The following ADCY10 variants were observed in gnomAD, a reference collection of about 807,000 sequenced individuals.
ADCY10 encodes adenylate cyclase type 10.
Under a neutral mutation model 183.3 loss-of-function variants are expected in ADCY10, and 156 were observed. That is an observed-to-expected ratio of 0.85 (90% CI 0.75 to 0.97). The LOEUF is 0.97. Ranked by LOEUF, ADCY10 falls within the 50% of genes least tolerant of loss-of-function variation. ADCY10 has a pLI of 0.00. For synonymous variants in ADCY10, 645 were observed against 670.0 expected, an observed-to-expected ratio of 0.96 and a Z score of 0.58; for missense variants, 1,745 against 1,934.3, an observed-to-expected ratio of 0.90 and a Z score of 1.84.
Position 167,860,971 on chromosome 1 carries a change from C to T in ADCY10, c.1709G>A (p.Cys570Tyr). 6 of 1,614,112 alleles carry T rather than the reference C, an allele frequency of 3.7e-6. No homozygotes were observed. Among genetic ancestry groups the T allele is most frequent in the Non-Finnish European group, 5.1e-6 (6 of 1,179,984 alleles). ...FMANVLGLDT[C>Y]KHYKERQTNL... is the part of the protein sequence containing the mutation. Reference sequence around the variant, plus strand: ...GGTCTGTCGTTCTTTATAATGTTTACAAGTGTCTAGGCCTAGGACATTGGC... The same window carrying T: ...GGTCTGTCGTTCTTTATAATGTTTATAAGTGTCTAGGCCTAGGACATTGGC... Residue 570 changes from cysteine to tyrosine, a missense_variant, in exon 15 of 33, where the codon TGT (cysteine) becomes TAT (tyrosine). Physicochemically the swap from Cys to Tyr is radical, Grantham distance 194 (BLOSUM62 -2). Coordinates refer to ENST00000367851, the MANE Select transcript of ADCY10 (RefSeq NM_018417.6).
intron 13 of ADCY10, among the ~76,000 whole-genome samples, chr1:167,873,243 T>A (rs1335829169): frequency 6.6e-6 from 1 of 152,138 alleles, no homozygotes; most frequent in Non-Finnish European, 1.5e-5. Context: ...ATTCCTTCTC[T>A]CTAGCTTCAG....
rs1667448163 is a variant in ADCY10 at position 167,876,121 on chromosome 1, G to T, written c.1407-935C>A. Among the ~76,000 whole-genome samples, 7 of 152,180 alleles carry T rather than the reference G, an allele frequency of 4.6e-5. No individual in the cohort carries two copies. In the South Asian group the frequency reaches 1.5e-3, roughly 32 times the overall value. ...AAAATACAAAAATTAGCTGGGCGTG[G>T]TGGCTTGCGCCTGCCATCCCAGCTA... On this transcript the variant is annotated intron_variant, in intron 12 of 32. Transcript: ENST00000367851.
At position 167,837,121 on chromosome 1, in the gene ADCY10, C is replaced by A. The variant is rs183420256; in HGVS notation, c.3077+128G>T. ...CTACTGACTAAACTCACCATGCATA[C>A]CCCCCAAAGTTTCCCACTTGCATCT... is the stretch of plus-strand genomic sequence containing the variant. On this transcript the variant is annotated intron_variant, in intron 22 of 32. Transcript: ENST00000367851. 289 of 782,124 alleles carry A rather than the reference C, an allele frequency of 3.7e-4. 1 individual carries two copies. In the African/African-American group the frequency reaches 4.3e-3, roughly 12 times the overall value. 48.4% of individuals were successfully genotyped at this position (782,124 alleles called of 1,614,324 possible).
chr1:167,878,375 G>T, intron 12 of ADCY10, 71 bp downstream of exon 12: 1 of 1,530,650 alleles, frequency 6.5e-7, no homozygotes, highest in Non-Finnish European at 9.0e-7. Flanking sequence ...TTAAATGGGT[G>T]ACTGCTTTGC....
At chr1:167,888,377 A>T (rs1195076906) in intron 8 of ADCY10, among the ~76,000 whole-genome samples, 2 of 152,042 alleles carry the variant, frequency 1.3e-5, no homozygotes, top group Non-Finnish European at 2.9e-5. Context: ...TAGTATGAAC[A>T]TTCTTCCAAT....
chr1:167,905,236 T>C, intron 1 of ADCY10, 38 bp from the exon 2 acceptor site: 3 of 1,364,800 alleles, frequency 2.2e-6, no homozygotes, highest in Non-Finnish European at 3.1e-6. Flanking sequence ...TCTGATATAT[T>C]CATTTGCTCA....
chr1:167,860,025 C>A (rs547615385), intron 15 of ADCY10, 132 bp from the exon 16 acceptor site: 1 of 736,754 alleles, frequency 1.4e-6, no homozygotes, highest in South Asian at 1.5e-5. Flanking sequence ...TGGTCCCAAC[C>A]TTTTTGGCAC....
intron 18 of ADCY10, among the ~76,000 whole-genome samples, chr1:167,851,074 A>G (rs1366294300): frequency 1.3e-5 from 2 of 152,146 alleles, no homozygotes; most frequent in African/African-American, 2.4e-5. Flanking sequence ...GGTTCCTTCT[A>G]TGTGTACATA....
In ADCY10 at chr1:167,856,301, G is replaced by A; in HGVS notation, c.2035C>T (p.Pro679Ser). Residue 679 changes from proline (P) to serine (S), a missense_variant, in exon 17 of 33, where the codon CCC becomes TCC. Transcript: ENST00000367851. ...IMSLCPFVNI[P>S]CAAARAVIKN... ...ATTACGGCCCTGGCAGCTGCACAGG[G>A]AATGTTAACGAAGGGACACAGGGAC... The A allele has an allele frequency of 1.9e-6, 3 of 1,614,058 alleles. No individual in the cohort carries two copies. The highest frequency in any genetic ancestry group is 2.5e-6 in the Non-Finnish European group (3 of 1,179,984).
chr1:167,911,170 A>AACACTGCCCAGTGTTCAAACT (rs1174550605), intron 1 of ADCY10, among the ~76,000 whole-genome samples: 4 of 152,248 alleles, frequency 2.6e-5, no homozygotes, highest in Non-Finnish European at 4.4e-5. Context: ...GGGCAGTTTT[A>AACACTGCCCAGTGTTCAAACT]GGAAGTGTTG....
At chr1:167,908,516 T>C (rs1669957073) in intron 1 of ADCY10, among the ~76,000 whole-genome samples, 1 of 152,194 alleles carries the variant, frequency 6.6e-6, no homozygotes, top group African/African-American at 2.4e-5. Context: ...TAAAGTATTA[T>C]ATACTTCAAA....
intron 18 of ADCY10, among the ~76,000 whole-genome samples, chr1:167,852,736 A>G (rs1414510592): frequency 1.3e-5 from 2 of 152,040 alleles, no homozygotes; most frequent in African/African-American, 4.8e-5. Flanking sequence ...GAAAAAAAAA[A>G]TTGATCTTTC....
chr1:167,901,426 C>G (rs1669415020), intron 5 of ADCY10, among the ~76,000 whole-genome samples: 1 of 152,114 alleles, frequency 6.6e-6, no homozygotes. Flanking sequence ...ACTACCATAC[C>G]AACTAATTTA....
At chr1:167,843,190 A>T (rs2101954110) in intron 21 of ADCY10, among the ~76,000 whole-genome samples, 1 of 152,324 alleles carries the variant, frequency 6.6e-6, no homozygotes, top group South Asian at 2.1e-4. Flanking sequence ...ATCTGCAAAT[A>T]ACTGAAATTG....
chr1:167,820,476 TA>T (rs998711274), intron 30 of ADCY10: 4 of 401,392 alleles, frequency 1.0e-5, no homozygotes, highest in Non-Finnish European at 1.3e-5. Flanking sequence ...CACAGCTGTT[TA>T]AAAAATTCTC....
At position 167,821,862 on chromosome 1, in the gene ADCY10, C is replaced by G. The variant is rs16859707; in HGVS notation, c.4286+162G>C. On this transcript the variant is annotated intron_variant, in intron 30 of 32. Transcript: ENST00000367851. ...TCTGTCCTTGGCCAAGGGGGATGAACTAGTTGATCCCTAACATGTCTCTCT... is the reference window on the plus strand; with the variant it reads ...TCTGTCCTTGGCCAAGGGGGATGAAGTAGTTGATCCCTAACATGTCTCTCT... 4.7e-3 allele frequency among the ~76,000 whole-genome samples: 720 copies of G among 152,282 alleles called. 6 individuals carry two copies. The highest frequency in any genetic ancestry group is 0.017 in the African/African-American group (695 of 41,548).
Position 167,818,217 on chromosome 1 carries a change from G to A in ADCY10, c.4337C>T (p.Ala1446Val). 6.2e-7 allele frequency: 1 copy of A among 1,614,144 alleles called. No individual in the cohort carries two copies. Among genetic ancestry groups the A allele is most frequent in the East Asian group, 2.2e-5 (1 of 44,868 alleles). Reference protein sequence around the residue: ...WDNFYKFSNRAKNLLPRRTMT... With the variant: ...WDNFYKFSNRVKNLLPRRTMT... ...GGTTCTTCTTGGCAAAAGATTTTTA[G>A]CTCTATTGGAAAATTTGTAAAAGTT... The change falls in exon 31 of 33, where the codon GCT becomes GTT. Residue 1446 changes from alanine (A) to valine (V), a missense_variant. Ala to Val is a moderately conservative substitution (Grantham distance 64). Transcript: ENST00000367851.
intron 5 of ADCY10, among the ~76,000 whole-genome samples, chr1:167,901,304 C>T (rs575957881): frequency 3.3e-5 from 5 of 152,150 alleles, no homozygotes; most frequent in African/African-American, 1.2e-4. Flanking sequence ...TAATGGCAAG[C>T]TAGTCTCTAT....
chr1:167,848,521 G>A, intron 18 of ADCY10, 32 bp from the exon 19 acceptor site: 1 of 1,612,338 alleles, frequency 6.2e-7, no homozygotes, highest in Non-Finnish European at 8.5e-7. Flanking sequence ...GAAAAGTTGA[G>A]TCATTATCCT....
Sources: allele counts gnomAD v4.1 joint callset (sites outside exome capture counted in the v4.1 genomes callset), GRCh38; gene constraint gnomAD v4.1.1; transcripts MANE v1.5; gene names NCBI Gene and HGNC (gene_info 2026-07-23, HGNC 2026-07-21).